The following SLC30A5 variants were observed in gnomAD, a reference collection of about 807,000 sequenced individuals.
SLC30A5 encodes proton-coupled zinc antiporter SLC30A5.
In SLC30A5, 33 loss-of-function variants were observed where a neutral mutation model predicts 79.6. The observed-to-expected ratio is 0.41, with a 90% CI of 0.31 to 0.55. The LOEUF (loss-of-function observed/expected upper bound fraction) is 0.55, where lower values mean the gene tolerates loss of function less well. Ranked by LOEUF, SLC30A5 falls within the 20% of genes least tolerant of loss-of-function variation. The pLI is 0.20. For missense variants in SLC30A5, 788 were observed against 928.1 expected (o/e 0.85, Z 1.96); for synonymous variants, 299 against 319.7 (o/e 0.94, Z 0.69).
At chr5:69,101,964 AAACAAAAAC>A (rs1052528007) in intron 2 of SLC30A5, among the ~76,000 whole-genome samples, 2 of 151,434 alleles carry the variant, frequency 1.3e-5, no homozygotes, top group African/African-American at 4.8e-5. Flanking sequence ...TTAAAAAAAA[AAACAAAAAC>A]AACACTCTTC....
intron 14 of SLC30A5, among the ~76,000 whole-genome samples, chr5:69,124,495 A>G (rs189952134): frequency 1.3e-5 from 2 of 152,340 alleles, no homozygotes; most frequent in South Asian, 2.1e-4. Context: ...ATATCTCTAT[A>G]CCATATTATA....
intron 1 of SLC30A5, among the ~76,000 whole-genome samples, chr5:69,100,010 C>T (rs955554685): frequency 6.6e-6 from 1 of 152,186 alleles, no homozygotes; most frequent in Non-Finnish European, 1.5e-5. Flanking sequence ...GCTCTGTTAC[C>T]TAGGCTGAAG....
At chr5:69,122,759 A>G (rs955742388) in intron 13 of SLC30A5, among the ~76,000 whole-genome samples, 1 of 152,362 alleles carries the variant, frequency 6.6e-6, no homozygotes, top group South Asian at 2.1e-4. Context: ...ATTAGTTGCA[A>G]GGTAAACACA....
In SLC30A5 at chr5:69,103,338, TA is replaced by T. The variant is rs1159496413; in HGVS notation, c.273+218del. On this transcript the variant is annotated intron_variant, in intron 3 of 15. Transcript: ENST00000396591. ...AATGTTTTTAAAAAAAACAAGAGGG[TA>T]AAAAAAATTATAAAGCATTCATGTA... 4.6e-5 allele frequency among the ~76,000 whole-genome samples: 7 copies of T among 151,720 alleles called. No individual in the cohort carries two copies. In the East Asian group the frequency reaches 7.7e-4, roughly 17 times the overall value.
chr5:69,096,068 C>CA (rs1472230185), intron 1 of SLC30A5, among the ~76,000 whole-genome samples: 4 of 151,362 alleles, frequency 2.6e-5, no homozygotes, highest in Admixed American at 1.3e-4. Flanking sequence ...GACTCTGTCT[C>CA]AAAAAAAAGC....
At chr5:69,128,702 G>GATT (rs1746770388) in intron 15 of SLC30A5, among the ~76,000 whole-genome samples, 1 of 152,124 alleles carries the variant, frequency 6.6e-6, no homozygotes, top group Non-Finnish European at 1.5e-5. Context: ...TTATGAGTTT[G>GATT]ATTAATCTTG....
In SLC30A5 at chr5:69,106,074, G is replaced by T. The variant is rs1239284623; in HGVS notation, c.359+1358G>T. Among the ~76,000 whole-genome samples the T allele has an allele frequency of 2.0e-5, 3 of 152,148 alleles. No homozygotes were observed. The East Asian group carries it at 5.8e-4, about 29-fold the overall frequency. ...GGGGTAGACAGAGTGGAAAGTGAAG[G>T]GTGAGAAATGTGGAAATGCTTTGTG... On this transcript the variant is annotated intron_variant, in intron 4 of 15. Transcript: ENST00000396591.
At position 69,121,671 on chromosome 5, in the gene SLC30A5, G is replaced by GT. The variant is rs751141010; in HGVS notation, c.1570-15dup. 1.5e-4 allele frequency: 227 copies of GT among 1,527,328 alleles called. 2 individuals carry two copies. The South Asian group carries it at 2.2e-3, about 15-fold the overall frequency. 94.6% of individuals were successfully genotyped at this position (1,527,328 alleles called of 1,614,324 possible). On this transcript the variant is annotated intron_variant, in intron 12 of 15. Coordinates refer to ENST00000396591, the MANE Select transcript of SLC30A5 (RefSeq NM_022902.5). ...CTATTTTTAAATTACTAATTTAAAGGTTTTTTTTCTCCCTTTTGCTAGCCA... is the reference window on the plus strand; with the variant it reads ...CTATTTTTAAATTACTAATTTAAAGGTTTTTTTTTCTCCCTTTTGCTAGCCA...
chr5:69,115,708 G>T (rs1483115306), intron 8 of SLC30A5, among the ~76,000 whole-genome samples: 1 of 152,182 alleles, frequency 6.6e-6, no homozygotes, highest in South Asian at 2.1e-4. Flanking sequence ...GTGTCGCCTA[G>T]TGTTCATCGA....
chr5:69,116,227 C>G lies in SLC30A5; in HGVS notation c.1072+13C>G. On this transcript the variant is annotated intron_variant, in intron 9 of 15. Transcript: ENST00000396591. The surrounding 1 kb of genome is among the most constrained non-coding windows in gnomAD (Gnocchi z 4.0). ...TTCTTCATTTTGTGTAAGCATTCCCCCCTTTTTTTTATTTTAACAAATTTC... is the reference window on the plus strand; with the variant it reads ...TTCTTCATTTTGTGTAAGCATTCCCGCCTTTTTTTTATTTTAACAAATTTC... The G allele has an allele frequency of 6.4e-7, 1 of 1,555,180 alleles. No individual in the cohort carries two copies. Among genetic ancestry groups the G allele is most frequent in the Non-Finnish European group, 8.7e-7 (1 of 1,155,206 alleles).
Position 69,103,095 on chromosome 5 carries a change from AT to A in SLC30A5, c.244del (p.Ser82LeufsTer38). On this transcript the variant is annotated frameshift_variant, in exon 3 of 16. Transcript: ENST00000396591. LOFTEE classifies it high-confidence loss of function. ...TTTTTATGGTTTTGTTTCAAAAGCC[AT>A]TTTCTTCTGGGAAAACTATTACCAA... ...AFFMVLFQKP[F>X]SSGKTITKHQ... is the part of the protein sequence containing the mutation. The A allele has an allele frequency of 1.3e-6, 2 of 1,591,084 alleles. No homozygotes were observed. Among genetic ancestry groups the A allele is most frequent in the Non-Finnish European group, 1.7e-6 (2 of 1,162,590 alleles).
intron 1 of SLC30A5, among the ~76,000 whole-genome samples, chr5:69,096,918 T>TA (rs149359940): frequency 0.026 from 3,865 of 151,176 alleles, 163 homozygotes; most frequent in African/African-American, 0.088. Flanking sequence ...TATGATCCTA[T>TA]AAGTGCACTG....
chr5:69,108,753 C>T (rs1016975404), intron 5 of SLC30A5, among the ~76,000 whole-genome samples: 9 of 140,552 alleles, frequency 6.4e-5, no homozygotes, highest in Non-Finnish European at 1.2e-4. Context: ...ACCTGGGAGG[C>T]GGAGGTTACA....
intron 3 of SLC30A5, chr5:69,104,059 T>G: frequency 6.4e-7 from 1 of 1,551,928 alleles, no homozygotes; most frequent in Non-Finnish European, 8.7e-7. Context: ...ATCATAAAAT[T>G]GTACTCTGAA....
intron 1 of SLC30A5, among the ~76,000 whole-genome samples, chr5:69,094,878 CAA>C (rs397830385): frequency 3.3e-5 from 5 of 150,732 alleles, no homozygotes; most frequent in East Asian, 3.9e-4. Context: ...TCCTCGTTGT[CAA>C]AAAAAAATCT....
At chr5:69,102,785 C>T (rs1340551424) in intron 2 of SLC30A5, 12 of 178,306 alleles carry the variant, frequency 6.7e-5, no homozygotes, top group South Asian at 2.6e-4. Context: ...TGCTTGAACC[C>T]GGGAGGCAGA....
chr5:69,094,173 C>T lies in SLC30A5; in HGVS notation c.-83C>T, dbSNP rs1174553761. ...GTCTCTGCCATGGGGGAGTGACGCG[C>T]CTGCACCCGCTGTTCCGCGGCAGCG... On this transcript the variant is annotated 5_prime_UTR_variant, in exon 1 of 16. Coordinates refer to ENST00000396591, the MANE Select transcript of SLC30A5 (RefSeq NM_022902.5). 5.6e-6 allele frequency: 4 copies of T among 719,744 alleles called. No homozygotes were observed. In the East Asian group the frequency reaches 1.0e-4, roughly 18 times the overall value. 44.6% of individuals were successfully genotyped at this position (719,744 alleles called of 1,614,324 possible).
Position 69,104,633 on chromosome 5 carries a change from G to T in SLC30A5, c.276G>T (p.Trp92Cys), listed in dbSNP as rs1187524064. 7 of 1,525,622 alleles carry T rather than the reference G, an allele frequency of 4.6e-6. No homozygotes were observed. The highest frequency in any genetic ancestry group is 6.2e-6 in the Non-Finnish European group (7 of 1,135,168). 94.5% of individuals were successfully genotyped at this position (1,525,622 alleles called of 1,614,324 possible). ...AATTTTTTTGTTTCCATTTATAGTG[G>T]ATCAAAATATTTAAACATGCAGTTG... is the stretch of plus-strand genomic sequence containing the variant. ...SSGKTITKHQWIKIFKHAVAG... is the reference protein window; with the variant it reads ...SSGKTITKHQCIKIFKHAVAG... The change falls in exon 4 of 16, where the codon TGG (tryptophan) becomes TGT (cysteine). Residue 92 changes from tryptophan (W) to cysteine (C), a missense_variant and splice_region_variant. Coordinates refer to ENST00000396591, the MANE Select transcript of SLC30A5 (RefSeq NM_022902.5).
Position 69,123,348 on chromosome 5 carries a change from A to C in SLC30A5, c.1921A>C (p.Ile641Leu). The stretch of plus-strand genomic sequence containing the variant: ...AATATTTCTCAGTGTTGTTCCACTG[A>C]TTAAAGATGCCTGCCAGGTTCTACT... Reference protein sequence around the residue: ...ILIFLSVVPLIKDACQVLLLR... With the variant: ...ILIFLSVVPLLKDACQVLLLR... Residue 641 changes from isoleucine (I) to leucine (L), a missense_variant, in exon 14 of 16, where the codon ATT becomes CTT. Transcript: ENST00000396591. 1 of 1,614,030 alleles carries C rather than the reference A, an allele frequency of 6.2e-7. No individual in the cohort carries two copies. Among genetic ancestry groups the C allele is most frequent in the Non-Finnish European group, 8.5e-7 (1 of 1,179,968 alleles).
Sources: gnomAD v4.1 joint callset for allele counts (sites outside exome capture counted in the v4.1 genomes callset) on GRCh38, gnomAD v4.1.1 for gene constraint, Gnocchi (gnomAD v3.1) non-coding constraint, MANE v1.5 for transcripts, NCBI Gene and HGNC (gene_info 2026-07-23, HGNC 2026-07-21) for gene names.